Variants in SNED1 observed in about 807,000 individuals in gnomAD.
SNED1 encodes sushi, nidogen and EGF-like domain-containing protein 1.
In SNED1, 81 loss-of-function variants were observed where a neutral mutation model predicts 166.7. The ratio of observed to expected loss-of-function variants is 0.49; its 90% CI spans 0.41 to 0.58. The LOEUF (loss-of-function observed/expected upper bound fraction) is 0.58, where lower values mean the gene tolerates loss of function less well. SNED1 is among the 20% of genes least tolerant of loss of function. The pLI is 0.00. For missense variants in SNED1, 1,604 were observed against 2,000.2 expected (o/e 0.80, Z 3.78); for synonymous variants, 762 against 822.0 (o/e 0.93, Z 1.25).
Position 241,073,215 on chromosome 2 carries a change from T to G in SNED1, c.3818-51T>G. 1 of 1,385,824 alleles carries G rather than the reference T, an allele frequency of 7.2e-7. No homozygotes were observed. The allele number at this position is 1,385,824 out of a possible 1,614,324, so 85.8% of individuals were successfully genotyped here. A position where few individuals can be genotyped will look rare whatever the true frequency, so the allele number is the denominator to read the frequency against. On this transcript the variant is annotated intron_variant, in intron 26 of 31. Coordinates refer to ENST00000310397, the MANE Select transcript of SNED1 (RefSeq NM_001080437.3). This position sits in a 1 kb window ranked among gnomAD's most constrained non-coding sequence, Gnocchi z 6.6. ...ACTCAAAAGGGTGGCCCCAGGACCA[T>G]CCCGGGTGCAAAGCAGCTGCGCCGT... is the stretch of plus-strand genomic sequence containing the variant.
At position 240,999,118 on chromosome 2, in the gene SNED1, G is replaced by A. The variant is rs1231383368; in HGVS notation, c.213+68G>A. The A allele has an allele frequency of 6.9e-6, 7 of 1,009,912 alleles. No homozygotes were observed. In the African/African-American group the frequency reaches 1.0e-4, roughly 15 times the overall value. The allele number at this position is 1,009,912 out of a possible 1,614,324, so 62.6% of individuals were successfully genotyped here. ...AGCTGCGCCCCGGCCGCTGCCCGCC[G>A]GGCCCGGACTCCCGCCGCCGCCGCC... On this transcript the variant is annotated intron_variant, in intron 1 of 31. Transcript: ENST00000310397. This position sits in a 1 kb window ranked among gnomAD's most constrained non-coding sequence, Gnocchi z 5.8.
At chr2:241,024,891 C>G (rs1267446200) in intron 1 of SNED1, among the ~76,000 whole-genome samples, 1 of 152,134 alleles carries the variant, frequency 6.6e-6, no homozygotes, top group Non-Finnish European at 1.5e-5. Flanking sequence ...CCAGGCTGGT[C>G]TCAAACTCCT....
At position 241,079,068 on chromosome 2, in the gene SNED1, C is replaced by T. The variant is rs181612994; in HGVS notation, c.3917-2609C>T. On this transcript the variant is annotated intron_variant, in intron 27 of 31. Coordinates refer to ENST00000310397, the MANE Select transcript of SNED1 (RefSeq NM_001080437.3). ...GGCGGAGGCTGCAGCGAGCCGAGAT[C>T]GCACCATTGCACTCCAGCCTGGGTG... Among the ~76,000 whole-genome samples, 1,348 of 143,956 alleles carry T rather than the reference C, an allele frequency of 9.4e-3. 17 individuals are homozygous for T. The highest frequency in any genetic ancestry group is 0.032 in the African/African-American group (1,239 of 38,168). The allele number at this position is 143,956 out of a possible 152,430, so 94.4% of individuals were successfully genotyped here.
rs758939620 is a variant in SNED1 at position 241,094,305 on chromosome 2, C to T, written c.*2669C>T. On this transcript the variant is annotated 3_prime_UTR_variant, in exon 32 of 32. Transcript: ENST00000310397. The surrounding 1 kb of genome is among the most constrained non-coding windows in gnomAD (Gnocchi z 4.3). ...CTGCACCTCCCCTTAGCAGGAACTC[C>T]TTCCACTGGCAAAGGACTGCCACTG... 14 of 469,736 alleles carry T rather than the reference C, an allele frequency of 3.0e-5. No homozygotes were observed. The highest frequency in any genetic ancestry group is 2.2e-4 in the South Asian group (14 of 64,516). The allele number at this position is 469,736 out of a possible 1,614,324, so 29.1% of individuals were successfully genotyped here.
At chr2:241,090,466 G>C in intron 31 of SNED1, 1 of 1,529,232 alleles carries the variant, frequency 6.5e-7, no homozygotes, top group Non-Finnish European at 8.8e-7. Flanking sequence ...TAATGATGAA[G>C]AGTATAGTAA....
intron 26 of SNED1, 135 bp downstream of exon 26, chr2:241,072,013 G>A (rs769182647): frequency 9.0e-5 from 75 of 828,870 alleles, no homozygotes; most frequent in Admixed American, 6.8e-4. Context: ...CCCCCACCCC[G>A]ACTGTGCACA....
At chr2:241,016,672 G>T (rs2060603916) in intron 1 of SNED1, among the ~76,000 whole-genome samples, 1 of 152,134 alleles carries the variant, frequency 6.6e-6, no homozygotes, top group African/African-American at 2.4e-5. Context: ...CTATCTAGAA[G>T]AGTCTATGTG....
chr2:241,069,881 G>T lies in SNED1; in HGVS notation c.3308-39G>T, dbSNP rs1575050043. 3 of 1,594,652 alleles carry T rather than the reference G, an allele frequency of 1.9e-6. No homozygotes were observed. Among genetic ancestry groups the T allele is most frequent in the South Asian group, 2.3e-5 (2 of 88,720 alleles). On this transcript the variant is annotated intron_variant, in intron 23 of 31. Transcript: ENST00000310397. The surrounding 1 kb of genome is among the most constrained non-coding windows in gnomAD (Gnocchi z 4.9). Reference sequence around the variant, plus strand: ...CCGTGTTCTTGCCAGAAGACCCTGTGGGCACCCCCTCACCTCTCCCTGCTC... The same window carrying T: ...CCGTGTTCTTGCCAGAAGACCCTGTTGGCACCCCCTCACCTCTCCCTGCTC...
rs966479256 is a variant in SNED1, at chr2:241,091,420, G to C, written c.*2-218G>C. On this transcript the variant is annotated intron_variant, in intron 31 of 31. Coordinates refer to ENST00000310397, the MANE Select transcript of SNED1 (RefSeq NM_001080437.3). The surrounding 1 kb of genome is among the most constrained non-coding windows in gnomAD (Gnocchi z 4.1). ...TAGTCGGTGGAGGCTGCCCCTCCCC[G>C]TGTGCACTGCCATATGGTAGAATCC... Among the ~76,000 whole-genome samples the C allele has an allele frequency of 6.6e-6, 1 of 151,972 alleles. No individual in the cohort carries two copies. Among genetic ancestry groups the C allele is most frequent in the Non-Finnish European group, 1.5e-5 (1 of 68,018 alleles).
At chr2:241,009,823 C>A (rs2060332318) in intron 1 of SNED1, among the ~76,000 whole-genome samples, 1 of 152,054 alleles carries the variant, frequency 6.6e-6, no homozygotes, top group South Asian at 2.1e-4. Context: ...GGAGGCGTCC[C>A]ATGTGTGTTT....
chr2:241,073,437 G>A lies in SNED1; in HGVS notation c.3916+73G>A. 3 of 1,246,708 alleles carry A rather than the reference G, an allele frequency of 2.4e-6. No homozygotes were observed. The highest frequency in any genetic ancestry group is 2.0e-5 in the Admixed American group (1 of 50,538). The allele number at this position is 1,246,708 out of a possible 1,614,324, so 77.2% of individuals were successfully genotyped here. A position where few individuals can be genotyped will look rare whatever the true frequency, so the allele number is the denominator to read the frequency against. ...CAGGGGCCTTAGAGGCTGCAGGCAG[G>A]AGGGACCACCCACGGTGAGGAATCA... On this transcript the variant is annotated intron_variant, in intron 27 of 31. Coordinates refer to ENST00000310397, the MANE Select transcript of SNED1 (RefSeq NM_001080437.3). This position sits in a 1 kb window ranked among gnomAD's most constrained non-coding sequence, Gnocchi z 6.6.
chr2:241,055,659 G>T (rs919813477), intron 16 of SNED1, among the ~76,000 whole-genome samples: 1 of 152,210 alleles, frequency 6.6e-6, no homozygotes, highest in African/African-American at 2.4e-5. Context: ...TGCTGCAGGG[G>T]CAAGCACAAT....
intron 8 of SNED1, among the ~76,000 whole-genome samples, chr2:241,043,867 T>A (rs2061577167): frequency 6.6e-6 from 1 of 152,200 alleles, no homozygotes; most frequent in African/African-American, 2.4e-5. Context: ...AACTGTACTT[T>A]TAAAAATTGA....
At chr2:241,083,115 G>C (rs6437235) in intron 29 of SNED1, among the ~76,000 whole-genome samples, 24,723 of 152,104 alleles carry the variant, frequency 0.16, 2,828 homozygotes, top group African/African-American at 0.33. Context: ...GAGTGCAAAG[G>C]GAAAAAGGAC....
rs1385914807 is a variant in SNED1 at position 241,051,545 on chromosome 2, G to A, written c.1736-199G>A. ...AAAGGGCCCACCTGTGACTGAGTTG[G>A]GGTCTCCAGCCTGTGAGCCCCACCC... On this transcript the variant is annotated intron_variant, in intron 12 of 31. Transcript: ENST00000310397. This position sits in a 1 kb window ranked among gnomAD's most constrained non-coding sequence, Gnocchi z 4.7. The A allele has an allele frequency of 2.2e-6, 1 of 448,510 alleles. No individual in the cohort carries two copies. The highest frequency in any genetic ancestry group is 2.0e-5 in the African/African-American group (1 of 49,780). The allele number at this position is 448,510 out of a possible 1,614,324, so 27.8% of individuals were successfully genotyped here. A position where few individuals can be genotyped will look rare whatever the true frequency, so the allele number is the denominator to read the frequency against.
rs2061793821 is a variant in SNED1, at chr2:241,050,177, T to C, written c.1735+244T>C. 3 of 565,084 alleles carry C rather than the reference T, an allele frequency of 5.3e-6. No homozygotes were observed. In the East Asian group the frequency reaches 8.8e-5, roughly 17 times the overall value. 35.0% of individuals were successfully genotyped at this position (565,084 alleles called of 1,614,324 possible). ...CTTGCTCTTCTGAAAATAGGCTTCA[T>C]TGCCTGCTCAGCATTTTTCCAAATA... On this transcript the variant is annotated intron_variant, in intron 12 of 31. Coordinates refer to ENST00000310397, the MANE Select transcript of SNED1 (RefSeq NM_001080437.3).
At chr2:241,067,192 G>A (rs1159963886) in intron 21 of SNED1, among the ~76,000 whole-genome samples, 1 of 152,224 alleles carries the variant, frequency 6.6e-6, no homozygotes, top group Non-Finnish European at 1.5e-5. Context: ...CACAGACCGG[G>A]GTGCTGAGTT....
intron 1 of SNED1, among the ~76,000 whole-genome samples, chr2:241,016,184 G>A (rs1319769587): frequency 7.1e-6 from 1 of 140,156 alleles, no homozygotes; most frequent in Non-Finnish European, 1.5e-5. Flanking sequence ...CTCTGTCATG[G>A]TGGATTTTTT....
intron 2 of SNED1, chr2:241,033,419 A>AT: frequency 3.8e-6 from 1 of 263,200 alleles, no homozygotes; most frequent in Non-Finnish European, 7.1e-6. Context: ...CACACAGGAG[A>AT]TTTTGTGGAT....
Sources: allele counts gnomAD v4.1 joint callset (sites outside exome capture counted in the v4.1 genomes callset), GRCh38; gene constraint gnomAD v4.1.1; non-coding constraint Gnocchi (gnomAD v3.1); transcripts MANE v1.5; gene names NCBI Gene and HGNC (gene_info 2026-07-23, HGNC 2026-07-21).